ADAM7: variants seen among roughly 807,000 people sequenced by gnomAD.
The protein encoded by ADAM7 is ADAM metallopeptidase domain 7.
In ADAM7, 97 loss-of-function variants were observed where a neutral mutation model predicts 102.9. The ratio of observed to expected loss-of-function variants is 0.94; its 90% CI spans 0.80 to 1.12. The LOEUF (loss-of-function observed/expected upper bound fraction) is 1.12, where lower values mean the gene tolerates loss of function less well. Among genes scored for constraint, ADAM7 ranks in the 50% most tolerant of loss-of-function variants. The pLI is 0.00. For missense variants in ADAM7, 991 were observed against 908.7 expected (o/e 1.09, Z -1.16); for synonymous variants, 334 against 304.4 (o/e 1.10, Z -1.01).
At chr8:24,482,103 C>G in intron 8 of ADAM7, 39 bp from the exon 9 acceptor site, 1 of 1,457,932 alleles carries the variant, frequency 6.9e-7, no homozygotes, top group Non-Finnish European at 9.2e-7. Context: ...CTGTTTCCAG[C>G]AACTTGACTT....
At chr8:24,466,044 G>A (rs1234852129) in intron 5 of ADAM7, among the ~76,000 whole-genome samples, 1 of 152,168 alleles carries the variant, frequency 6.6e-6, no homozygotes, top group Non-Finnish European at 1.5e-5. Flanking sequence ...TTTAGTCTGG[G>A]CTCTCATTTT....
intron 3 of ADAM7, among the ~76,000 whole-genome samples, chr8:24,457,317 C>G (rs184210594): frequency 1.3e-5 from 2 of 152,072 alleles, no homozygotes; most frequent in East Asian, 1.9e-4. Flanking sequence ...ACTCTGTCAT[C>G]TAGGCTGGAG....
intron 17 of ADAM7, 93 bp from the exon 18 acceptor site, chr8:24,500,085 T>C: frequency 9.3e-7 from 1 of 1,075,974 alleles, no homozygotes; most frequent in Non-Finnish European, 1.3e-6. Context: ...TGTGTGCATG[T>C]ATGTTTGATG....
chr8:24,497,547 T>C (rs1272534954), intron 16 of ADAM7, among the ~76,000 whole-genome samples: 1 of 152,056 alleles, frequency 6.6e-6, no homozygotes, highest in African/African-American at 2.4e-5. Flanking sequence ...CATAAAGGAA[T>C]GTTAAAACTC....
At chr8:24,451,741 T>G (rs1215655734) in intron 3 of ADAM7, among the ~76,000 whole-genome samples, 11 of 151,082 alleles carry the variant, frequency 7.3e-5, no homozygotes, top group African/African-American at 2.7e-4. Flanking sequence ...ATTGTGATGT[T>G]AGGGTGTCAA....
chr8:24,473,213 A>G (rs905758954), intron 7 of ADAM7, among the ~76,000 whole-genome samples: 2 of 152,176 alleles, frequency 1.3e-5, no homozygotes, highest in Non-Finnish European at 2.9e-5. Flanking sequence ...GGAAAAGAGG[A>G]AAAAACCCCA....
chr8:24,456,943 T>A (rs1418893527), intron 3 of ADAM7, among the ~76,000 whole-genome samples: 1 of 152,242 alleles, frequency 6.6e-6, no homozygotes, highest in East Asian at 1.9e-4. Context: ...TAAACATATG[T>A]TTTCATTTCT....
intron 8 of ADAM7, among the ~76,000 whole-genome samples, chr8:24,480,804 G>A (rs951303093): frequency 6.6e-6 from 1 of 152,048 alleles, no homozygotes; most frequent in Non-Finnish European, 1.5e-5. Flanking sequence ...ACTTTGGAAG[G>A]TCAAGGCAGG....
intron 20 of ADAM7, among the ~76,000 whole-genome samples, chr8:24,506,617 T>C (rs1820958437): frequency 6.6e-6 from 1 of 152,024 alleles, no homozygotes; most frequent in African/African-American, 2.4e-5. Context: ...TTTCAGTGAG[T>C]CCTTGATCAG....
At chr8:24,474,942 A>AAATTTGAG in intron 7 of ADAM7, among the ~76,000 whole-genome samples, 1 of 152,220 alleles carries the variant, frequency 6.6e-6, no homozygotes, top group Middle Eastern at 3.4e-3. Context: ...GAAGGATAGA[A>AAATTTGAG]AATTTGAGCA....
intron 2 of ADAM7, among the ~76,000 whole-genome samples, chr8:24,446,855 T>G (rs1376145285): frequency 6.7e-6 from 1 of 149,114 alleles, no homozygotes; most frequent in African/African-American, 2.4e-5. Context: ...TTATATTATA[T>G]TAAACTATAT....
At chr8:24,499,829 TCACACATCACACACACACA>T (rs1820691099) in intron 17 of ADAM7, among the ~76,000 whole-genome samples, 4 of 137,018 alleles carry the variant, frequency 2.9e-5, no homozygotes, top group African/African-American at 1.1e-4. Flanking sequence ...CACACACACA[TCACACATCACACACACACA>T]CACACATACA....
At chr8:24,464,041 C>A in intron 4 of ADAM7, 81 bp downstream of exon 4, 1 of 1,253,740 alleles carries the variant, frequency 8.0e-7, no homozygotes, top group Non-Finnish European at 1.1e-6. Context: ...TCTAGCTGTA[C>A]AAGCTGTTTC....
chr8:24,463,577 T>C (rs1027428753), intron 3 of ADAM7, among the ~76,000 whole-genome samples: 1 of 152,154 alleles, frequency 6.6e-6, no homozygotes, highest in Admixed American at 6.5e-5. Context: ...ATGCATGTTT[T>C]TTGCATTAAT....
chr8:24,505,425 T>G (rs1820918042), intron 20 of ADAM7, among the ~76,000 whole-genome samples: 1 of 152,150 alleles, frequency 6.6e-6, no homozygotes, highest in African/African-American at 2.4e-5. Flanking sequence ...CACCATGATA[T>G]TAACAGAGAT....
intron 6 of ADAM7, 71 bp from the exon 7 acceptor site, chr8:24,468,696 T>A: frequency 1.5e-6 from 2 of 1,378,210 alleles, no homozygotes; most frequent in Non-Finnish European, 2.0e-6. Flanking sequence ...ACTAGGATTT[T>A]TTTTCCAACT....
intron 4 of ADAM7, among the ~76,000 whole-genome samples, chr8:24,464,639 T>C (rs1265730340): frequency 2.0e-5 from 3 of 152,254 alleles, no homozygotes; most frequent in Non-Finnish European, 2.9e-5. Flanking sequence ...CCTCACTCTG[T>C]TGCCAGGCTG....
intron 3 of ADAM7, among the ~76,000 whole-genome samples, chr8:24,459,437 T>A (rs928686446): frequency 3.9e-5 from 6 of 151,940 alleles, no homozygotes; most frequent in African/African-American, 1.5e-4. Flanking sequence ...GTCGACCTTT[T>A]ATTTATTTAT....
Position 24,450,813 on chromosome 8 carries a change from A to G in ADAM7, c.233+3551A>G, listed in dbSNP as rs1416929923. 5.3e-5 allele frequency among the ~76,000 whole-genome samples: 8 copies of G among 152,258 alleles called. No homozygotes were observed. The South Asian group carries it at 1.7e-3, about 32-fold the overall frequency. ...GTCATGGATAGCTCTTATTATTTTG[A>G]GATACATCCCATCAATACCTAATGT... On this transcript the variant is annotated intron_variant, in intron 3 of 21. Coordinates refer to ENST00000175238, the MANE Select transcript of ADAM7 (RefSeq NM_003817.4).
Sources: allele counts gnomAD v4.1 joint callset (sites outside exome capture counted in the v4.1 genomes callset), GRCh38; gene constraint gnomAD v4.1.1; transcripts MANE v1.5; gene names NCBI Gene and HGNC (gene_info 2026-07-23, HGNC 2026-07-21).